Variants in USH1C observed in about 807,000 individuals in gnomAD.
USH1C encodes the protein USH1 protein network component harmonin, also known as harmonin.
In USH1C, 90 loss-of-function variants were observed where a neutral mutation model predicts 119.3. The observed-to-expected ratio is 0.75, with a 90% CI of 0.64 to 0.90. USH1C has a LOEUF of 0.90. Ranked by LOEUF, USH1C falls within the 40% of genes least tolerant of loss-of-function variation. USH1C has a pLI of 0.00. For missense variants in USH1C, 1,165 were observed against 1,167.7 expected, an observed-to-expected ratio of 1.00 and a Z score of 0.03; for synonymous variants, 465 against 443.3, an observed-to-expected ratio of 1.05 and a Z score of -0.62.
At position 17,509,375 on chromosome 11, in the gene USH1C, C is replaced by T. The variant is rs150854703; in HGVS notation, c.1994G>A (p.Ser665Asn). The T allele has an allele frequency of 5.2e-5, 83 of 1,583,172 alleles. No homozygotes were observed. The highest frequency in any genetic ancestry group is 6.5e-5 in the Non-Finnish European group (76 of 1,160,400). Residue 665 changes from serine (S) to asparagine (N), a missense_variant, in exon 18 of 27, where the codon AGC becomes AAC. Ser to Asn is a conservative substitution (Grantham distance 46). Coordinates refer to ENST00000005226, the MANE Select transcript of USH1C (RefSeq NM_153676.4). Reference protein sequence around the residue: ...KPTNSPVPEQSFPPTPKTFCP... With the variant: ...KPTNSPVPEQNFPPTPKTFCP... Reference sequence around the variant, plus strand: ...CATTACCTTTGGGGTGGGTGGGAAGCTCTGTTCAGGGACAGGGGAGTTAGT... The same window carrying T: ...CATTACCTTTGGGGTGGGTGGGAAGTTCTGTTCAGGGACAGGGGAGTTAGT...
In USH1C at chr11:17,523,413, T is replaced by A; in HGVS notation, c.819+6A>T. The A allele has an allele frequency of 6.2e-7, 1 of 1,614,156 alleles. No individual in the cohort carries two copies. Among genetic ancestry groups the A allele is most frequent in the Non-Finnish European group, 8.5e-7 (1 of 1,180,012 alleles). On this transcript the variant is annotated splice_donor_region_variant and intron_variant, in intron 10 of 26. Coordinates refer to ENST00000005226, the MANE Select transcript of USH1C (RefSeq NM_153676.4). ...GGGCCAACAGGTGAAGACCCCCACA[T>A]CTCACCTCCTTGTGATCCAGGTTAG...
At chr11:17,509,304 T>C in intron 18 of USH1C, 52 bp downstream of exon 18, 1 of 1,516,594 alleles carries the variant, frequency 6.6e-7, no homozygotes, top group Non-Finnish European at 8.9e-7. Context: ...GAAACAGCAG[T>C]TCTCCCCACT....
intron 23 of USH1C, 138 bp downstream of exon 23, chr11:17,500,913 G>T: frequency 2.7e-6 from 2 of 748,454 alleles, no homozygotes; most frequent in Non-Finnish European, 2.3e-6. Flanking sequence ...ACAGGCAGTC[G>T]GATGGATGGA....
intron 14 of USH1C, among the ~76,000 whole-genome samples, chr11:17,519,798 G>T (rs1232839725): frequency 6.6e-6 from 1 of 152,156 alleles, no homozygotes; most frequent in African/African-American, 2.4e-5. Context: ...ACCAGGGAGG[G>T]GTGAAATGGA....
chr11:17,531,860 C>A lies in USH1C; in HGVS notation c.105-318G>T, dbSNP rs193136664. Among the ~76,000 whole-genome samples the A allele has an allele frequency of 1.3e-5, 2 of 152,296 alleles. No homozygotes were observed. The highest frequency in any genetic ancestry group is 3.9e-4 in the East Asian group (2 of 5,182). ...AGAGGGGAAAGCTCTGTGTGAGATG[C>A]TGACAATTCCTCACACACTCATCAT... On this transcript the variant is annotated intron_variant, in intron 2 of 26. Coordinates refer to ENST00000005226, the MANE Select transcript of USH1C (RefSeq NM_153676.4). The surrounding 1 kb of genome is among the most constrained non-coding windows in gnomAD (Gnocchi z 4.2).
intron 23 of USH1C, 61 bp downstream of exon 23, chr11:17,500,990 G>T (rs1377340651): frequency 4.1e-6 from 6 of 1,457,006 alleles, no homozygotes; most frequent in South Asian, 3.5e-5. Context: ...TTGCTTTCCG[G>T]GAGGGCCCCG....
chr11:17,527,111 G>GCCCTGCTCCCCCGCCCTCCCTCCC, intron 5 of USH1C, 71 bp from the exon 6 acceptor site: 1 of 1,146,710 alleles, frequency 8.7e-7, no homozygotes, highest in African/African-American at 3.1e-5. Flanking sequence ...ATGGAGTACT[G>GCCCTGCTCCCCCGCCCTCCCTCCC]ACCTGCTCCC....
intron 1 of USH1C, among the ~76,000 whole-genome samples, chr11:17,535,039 C>T (rs1851178910): frequency 6.6e-6 from 1 of 152,164 alleles, no homozygotes; most frequent in South Asian, 2.1e-4. Context: ...CTGCTCAGGC[C>T]TGTGGGGCAG....
At chr11:17,500,984 T>C in intron 23 of USH1C, 67 bp downstream of exon 23, 1 of 1,415,506 alleles carries the variant, frequency 7.1e-7, no homozygotes, top group Non-Finnish European at 9.8e-7. Context: ...ACCTGTTTGC[T>C]TTCCGGGAGG....
At chr11:17,522,671 TC>T (rs1233435637) in intron 12 of USH1C, 112 bp downstream of exon 12, 64 of 1,528,298 alleles carry the variant, frequency 4.2e-5, no homozygotes, top group Non-Finnish European at 5.4e-5. Context: ...AGGACTGGCC[TC>T]CAGGGAGGAG....
Position 17,505,851 on chromosome 11 carries a change from T to C in USH1C, c.2112A>G (p.Pro704=), listed in dbSNP as rs199532754. Residue 704 remains proline (P), a synonymous_variant, in exon 19 of 27, where the codon CCA becomes CCG. Coordinates refer to ENST00000005226, the MANE Select transcript of USH1C (RefSeq NM_153676.4). The part of the protein sequence containing the change: ...VHQEPNFIYR[P]AVKSEVLPQE... ...TTACCAGAACTTCAGATTTCACAGC[T>C]GGCCTGTAGATGAAATTGGGCTCCT... 66 of 1,614,160 alleles carry C rather than the reference T, an allele frequency of 4.1e-5. No homozygotes were observed. In the East Asian group the frequency reaches 1.0e-3, roughly 26 times the overall value.
At chr11:17,540,991 A>G (rs546567565) in intron 1 of USH1C, among the ~76,000 whole-genome samples, 2 of 152,308 alleles carry the variant, frequency 1.3e-5, no homozygotes, top group Admixed American at 1.3e-4. Flanking sequence ...CCTCTGGGAC[A>G]CACTGTCCTA....
rs770609102 is a variant in USH1C, at chr11:17,496,743, C to A, written c.2546+15G>T. The A allele has an allele frequency of 1.1e-5, 17 of 1,614,158 alleles. No homozygotes were observed. The highest frequency in any genetic ancestry group is 1.4e-5 in the Non-Finnish European group (17 of 1,179,982). Reference sequence around the variant, plus strand: ...GGAAGAAGAGGTCTCAGGCTAGGTGCTTGCACACACTTACAGCTCATCGTC... The same window carrying A: ...GGAAGAAGAGGTCTCAGGCTAGGTGATTGCACACACTTACAGCTCATCGTC... On this transcript the variant is annotated intron_variant, in intron 25 of 26. Coordinates refer to ENST00000005226, the MANE Select transcript of USH1C (RefSeq NM_153676.4).
chr11:17,497,025 G>T, intron 24 of USH1C: 1 of 548,760 alleles, frequency 1.8e-6, no homozygotes. Flanking sequence ...GGGCTGCAAG[G>T]CCCTTGAATG....
At chr11:17,511,780 G>A in intron 16 of USH1C, 122 bp downstream of exon 16, 1 of 1,196,722 alleles carries the variant, frequency 8.4e-7, no homozygotes, top group Non-Finnish European at 1.2e-6. Context: ...GCAGGAAAGG[G>A]CTCACTCCAC....
chr11:17,544,311 TGGGCCA>T lies in USH1C; in HGVS notation c.-10_-5del, dbSNP rs1353822829. The T allele has an allele frequency of 3.7e-6, 6 of 1,614,034 alleles. No individual in the cohort carries two copies. In the Admixed American group the frequency reaches 8.3e-5, roughly 22 times the overall value. On this transcript the variant is annotated 5_prime_UTR_variant, in exon 1 of 27. Coordinates refer to ENST00000005226, the MANE Select transcript of USH1C (RefSeq NM_153676.4). ...CTCGGGCCACTTTTCGGTCCATGGC[TGGGCCA>T]GGTCCAGCTGCGTCGTTGCACGACC...
intron 1 of USH1C, among the ~76,000 whole-genome samples, chr11:17,540,300 A>G (rs1851409270): frequency 6.6e-6 from 1 of 152,066 alleles, no homozygotes; most frequent in Admixed American, 6.5e-5. Context: ...GGCTCTTGAC[A>G]TGTCAGCTAG....
chr11:17,507,035 C>T (rs1376686474), intron 18 of USH1C, among the ~76,000 whole-genome samples: 5 of 152,204 alleles, frequency 3.3e-5, no homozygotes, highest in Admixed American at 2.0e-4. Flanking sequence ...CCTGAAAACC[C>T]CCCTATGGCC....
chr11:17,502,493 C>T (rs1037633917), intron 20 of USH1C, among the ~76,000 whole-genome samples: 18 of 152,216 alleles, frequency 1.2e-4, no homozygotes, highest in African/African-American at 3.9e-4. Context: ...AGGGAGCCCA[C>T]GGACAACAAG....
Sources: allele counts gnomAD v4.1 joint callset (sites outside exome capture counted in the v4.1 genomes callset), GRCh38; gene constraint gnomAD v4.1.1; non-coding constraint Gnocchi (gnomAD v3.1); transcripts MANE v1.5; gene names NCBI Gene and HGNC (gene_info 2026-07-23, HGNC 2026-07-21).